The following ZBBX variants were observed in gnomAD, a reference collection of about 807,000 sequenced individuals.
ZBBX encodes the protein zinc finger B-box domain-containing protein 1.
Under a neutral mutation model 108.5 loss-of-function variants are expected in ZBBX, and 101 were observed. The observed-to-expected ratio is 0.93, with a 90% CI of 0.79 to 1.10. The LOEUF is 1.10. Ranked by LOEUF, ZBBX falls within the 50% of genes least tolerant of loss-of-function variation. The pLI is 0.00. For synonymous variants in ZBBX, 356 were observed against 323.4 expected (o/e 1.10, Z -1.08); for missense variants, 1,009 against 941.4 (o/e 1.07, Z -0.94).
chr3:167,329,598 C>T (rs1403671095), intron 10 of ZBBX, among the ~76,000 whole-genome samples: 1 of 151,990 alleles, frequency 6.6e-6, no homozygotes, highest in African/African-American at 2.4e-5. Flanking sequence ...AACAAGAATT[C>T]CATAAGCAAA....
chr3:167,305,657 T>C lies in ZBBX; in HGVS notation c.1711A>G (p.Thr571Ala). 1.9e-6 allele frequency: 3 copies of C among 1,559,988 alleles called. No homozygotes were observed. Among genetic ancestry groups the C allele is most frequent in the Non-Finnish European group, 2.6e-6 (3 of 1,159,132 alleles). The part of the protein sequence containing the change: ...KRPSFEESKT[T>A]KSSLLLQEIA... ...TAGAGATTTACCAGTGATGACTTTG[T>C]AGTTTTTGATTCTTCAAAGCTTGGC... The change falls in exon 17 of 22, where the codon ACA (threonine) becomes GCA (alanine). Residue 571 changes from threonine (T) to alanine (A), a missense_variant. Coordinates refer to ENST00000675490, the MANE Select transcript of ZBBX (RefSeq NM_001199201.2).
At chr3:167,365,142 A>G (rs1169733398) in intron 6 of ZBBX, among the ~76,000 whole-genome samples, 1 of 151,744 alleles carries the variant, frequency 6.6e-6, no homozygotes, top group Non-Finnish European at 1.5e-5. Context: ...GAATGACACC[A>G]GAGAATAAAA....
the ZBBX span, among the ~76,000 whole-genome samples, chr3:167,191,924 T>TAGAGAG: frequency 8.0e-6 from 1 of 125,556 alleles, no homozygotes; most frequent in African/African-American, 3.3e-5. Context: ...TATATATATA[T>TAGAGAG]ATATATATAT....
At chr3:167,238,259 T>C (rs1026864923), downstream of ZBBX, among the ~76,000 whole-genome samples, 1 of 152,042 alleles carries the variant, frequency 6.6e-6, no homozygotes, top group Non-Finnish European at 1.5e-5. Flanking sequence ...TGAAGATTCA[T>C]TGGTGACTCA....
intron 1 of ZBBX, among the ~76,000 whole-genome samples, chr3:167,404,794 C>T (rs1748532734): frequency 6.6e-6 from 1 of 152,054 alleles, no homozygotes; most frequent in Non-Finnish European, 1.5e-5. Context: ...TTTTTTTCCC[C>T]TCTGGTGGCA....
At chr3:167,282,980 A>G (rs986628249) in intron 19 of ZBBX, among the ~76,000 whole-genome samples, 2 of 152,230 alleles carry the variant, frequency 1.3e-5, no homozygotes, top group Admixed American at 6.5e-5. Context: ...ATTTAAAAAT[A>G]TGGCAACAAA....
chr3:167,344,281 A>G (rs1249980850), intron 9 of ZBBX, among the ~76,000 whole-genome samples: 1 of 151,910 alleles, frequency 6.6e-6, no homozygotes, highest in Non-Finnish European at 1.5e-5. Context: ...TTCTAAAGTC[A>G]ATTATGCTAA....
At chr3:167,317,911 A>G (rs1259052639) in intron 12 of ZBBX, among the ~76,000 whole-genome samples, 1 of 152,048 alleles carries the variant, frequency 6.6e-6, no homozygotes, top group African/African-American at 2.4e-5. Flanking sequence ...CATTAAAAAC[A>G]CCATGCTACT....
At chr3:167,385,607 T>C (rs958119376) in intron 1 of ZBBX, among the ~76,000 whole-genome samples, 2 of 152,034 alleles carry the variant, frequency 1.3e-5, no homozygotes, top group Non-Finnish European at 2.9e-5. Context: ...AAACACATCG[T>C]ACAGATGTAC....
At chr3:167,184,483 C>A in the ZBBX span, among the ~76,000 whole-genome samples, 2 of 152,046 alleles carry the variant, frequency 1.3e-5, no homozygotes, top group African/African-American at 4.8e-5. Flanking sequence ...CATCATATGA[C>A]CCAGAAATCT....
intron 20 of ZBBX, among the ~76,000 whole-genome samples, chr3:167,277,778 C>A (rs1466783500): frequency 2.6e-5 from 4 of 152,166 alleles, no homozygotes. Flanking sequence ...CTCTCTACCC[C>A]AAATCAACAG....
chr3:167,381,188 T>C (rs1472381943), upstream of ZBBX: 1 of 152,098 alleles, frequency 6.6e-6, no homozygotes, highest in Non-Finnish European at 1.5e-5. Context: ...AAAATAATGA[T>C]TTCACTTGGC....
the ZBBX span, among the ~76,000 whole-genome samples, chr3:167,223,957 G>C: frequency 6.6e-6 from 1 of 151,898 alleles, no homozygotes; most frequent in Non-Finnish European, 1.5e-5. Flanking sequence ...CAGTAGATGA[G>C]AGTGAAATGA....
At chr3:167,258,007 C>A (rs570259856) in intron 20 of ZBBX, among the ~76,000 whole-genome samples, 1 of 151,982 alleles carries the variant, frequency 6.6e-6, no homozygotes, top group African/African-American at 2.4e-5. Flanking sequence ...TAGTTTAATT[C>A]GGTCTCAGCT....
intron 20 of ZBBX, chr3:167,252,175 T>C: frequency 3.1e-6 from 4 of 1,289,708 alleles, no homozygotes; most frequent in Non-Finnish European, 4.0e-6. Context: ...AACATGGTTG[T>C]TTTTCATAGA....
chr3:167,294,463 T>C (rs1356945767), intron 18 of ZBBX, among the ~76,000 whole-genome samples: 2 of 152,190 alleles, frequency 1.3e-5, no homozygotes, highest in African/African-American at 4.8e-5. Context: ...CCCTATTTAA[T>C]AAATGGTGTT....
At chr3:167,237,942 G>A (rs1447739264), downstream of ZBBX, among the ~76,000 whole-genome samples, 1 of 151,790 alleles carries the variant, frequency 6.6e-6, no homozygotes, top group Non-Finnish European at 1.5e-5. Context: ...AAACAGTAGT[G>A]GTCCAATCCT....
At position 167,333,977 on chromosome 3, in the gene ZBBX, A is replaced by C. The variant is rs970433863; in HGVS notation, c.537T>G (p.Ser179=). 4 of 1,552,410 alleles carry C rather than the reference A, an allele frequency of 2.6e-6. No individual in the cohort carries two copies. In the African/African-American group the frequency reaches 5.5e-5, roughly 21 times the overall value. The part of the protein sequence containing the change: ...LHRTTLLQAK[S]QILFNVLDVA... ...CATCCAATACATTGAATAATATTTGAGATTTTGCCTATTAAAAAAGTAACA... is the reference window on the plus strand; with the variant it reads ...CATCCAATACATTGAATAATATTTGCGATTTTGCCTATTAAAAAAGTAACA... The change falls in exon 10 of 22, where the codon TCT becomes TCG. Residue 179 remains serine (S), a synonymous_variant. Transcript: ENST00000675490.
At chr3:167,381,515 A>G (rs1335080251), upstream of ZBBX, among the ~76,000 whole-genome samples, 1 of 152,198 alleles carries the variant, frequency 6.6e-6, no homozygotes, top group Non-Finnish European at 1.5e-5. Context: ...TGTGGCTATG[A>G]TGGTTGCTAT....
Sources: gnomAD v4.1 joint callset for allele counts (sites outside exome capture counted in the v4.1 genomes callset) on GRCh38, gnomAD v4.1.1 for gene constraint, MANE v1.5 for transcripts, NCBI Gene and HGNC (gene_info 2026-07-23, HGNC 2026-07-21) for gene names.